DEAF1: variants seen among roughly 807,000 people sequenced by gnomAD.
DEAF1 encodes the protein deformed epidermal autoregulatory factor 1 homolog.
In DEAF1, 53 loss-of-function variants were observed where a neutral mutation model predicts 58.9. The ratio of observed to expected loss-of-function variants is 0.90; its 90% confidence interval spans 0.72 to 1.13. The LOEUF (loss-of-function observed/expected upper bound fraction) is 1.13. Among genes scored for constraint, DEAF1 ranks in the 50% most tolerant of loss-of-function variants. The pLI, the probability that DEAF1 is intolerant of heterozygous loss-of-function variation, is 0.00. For synonymous variants in DEAF1, 385 were observed against 340.4 expected, an observed-to-expected ratio of 1.13 and a Z score of -1.44; for missense variants, 685 against 791.4, an observed-to-expected ratio of 0.87 and a Z score of 1.61.
At chr11:681,113 A>T (rs764779614) in intron 6 of DEAF1, 24 bp from the exon 7 acceptor site, 2 of 1,613,524 alleles carry the variant, frequency 1.2e-6, no homozygotes, top group Non-Finnish European at 1.7e-6. Context: ...GAGAGAGGCC[A>T]CCACCTTCAT....
intron 11 of DEAF1, among the ~76,000 whole-genome samples, chr11:648,398 T>C (rs1364007751): frequency 2.0e-5 from 3 of 152,058 alleles, no homozygotes; most frequent in Non-Finnish European, 2.9e-5. Context: ...GGTTTCACCA[T>C]GTTAGCCAGG....
At chr11:654,603 A>G (rs923438810) in intron 10 of DEAF1, 4 of 455,066 alleles carry the variant, frequency 8.8e-6, no homozygotes, top group Non-Finnish European at 1.8e-5. Context: ...GGCCGGGAGC[A>G]GCGGCTCATA....
upstream of DEAF1, chr11:695,480 G>T (rs1487416357): frequency 1.4e-6 from 1 of 713,574 alleles, no homozygotes; most frequent in Non-Finnish European, 1.9e-6. Flanking sequence ...GCAGATTCTC[G>T]CCGGCGGCCG....
At chr11:691,235 G>A (rs1590021551) in intron 2 of DEAF1, among the ~76,000 whole-genome samples, 1 of 152,386 alleles carries the variant, frequency 6.6e-6, no homozygotes, top group East Asian at 1.9e-4. Context: ...CCTGCTGGGA[G>A]TCCCTGCCCA....
intron 1 of DEAF1, chr11:704,271 C>T: frequency 1.4e-6 from 1 of 717,182 alleles, no homozygotes; most frequent in Non-Finnish European, 2.0e-6. Context: ...GCTCGGTGGA[C>T]TCCTGAGGGC....
chr11:656,735 C>T (rs1434180196), intron 10 of DEAF1, among the ~76,000 whole-genome samples: 1 of 152,246 alleles, frequency 6.6e-6, no homozygotes, highest in Non-Finnish European at 1.5e-5. Context: ...ACTTGCCCCC[C>T]AGCATAGTTC....
At chr11:661,295 C>T (rs1859308407) in intron 10 of DEAF1, among the ~76,000 whole-genome samples, 1 of 152,160 alleles carries the variant, frequency 6.6e-6, no homozygotes, top group South Asian at 2.1e-4. Context: ...GCTTTTCTGC[C>T]TTGTTGAATC....
upstream of DEAF1, chr11:695,902 C>T: frequency 8.4e-6 from 10 of 1,194,056 alleles, no homozygotes; most frequent in African/African-American, 1.6e-5. Flanking sequence ...GCGGCGTTTC[C>T]CTGTGGTGAC....
intron 9 of DEAF1, among the ~76,000 whole-genome samples, chr11:676,845 C>A (rs1458575255): frequency 1.3e-5 from 2 of 152,146 alleles, no homozygotes; most frequent in Non-Finnish European, 2.9e-5. Flanking sequence ...AAGGAACTAG[C>A]ACAAACCCTG....
Position 674,703 on chromosome 11 carries a change from C to T in DEAF1, c.1336G>A (p.Glu446Lys). 1 of 1,613,978 alleles carries T rather than the reference C, an allele frequency of 6.2e-7. No individual in the cohort carries two copies. Among genetic ancestry groups the T allele is most frequent in the Non-Finnish European group, 8.5e-7 (1 of 1,180,028 alleles). Residue 446 changes from glutamate (E) to lysine (K), a missense_variant, in exon 10 of 12, where the codon GAG (glutamate) becomes AAG (lysine). Physicochemically the swap from Glu to Lys is moderately conservative, Grantham distance 56. This residue lies in a region of DEAF1 where 343 missense variants were observed against 379.8 expected (regional missense o/e 0.90). Transcript: ENST00000382409. ...AAPPALVNGL[E>K]LSEPRSWLYL... is the part of the protein sequence containing the mutation. ...AGCCAGCTCCGCGGCTCTGACAGCTCCAGCCCATTGACCAACGCGGGAGGT... is the reference window on the plus strand; with the variant it reads ...AGCCAGCTCCGCGGCTCTGACAGCTTCAGCCCATTGACCAACGCGGGAGGT...
intron 11 of DEAF1, among the ~76,000 whole-genome samples, chr11:648,671 ACT>A (rs1457541004): frequency 3.3e-5 from 5 of 152,152 alleles, no homozygotes; most frequent in South Asian, 4.1e-4. Flanking sequence ...GAATGTATAC[ACT>A]CAGCCTCTGC....
At chr11:670,888 A>C (rs1589993843) in intron 10 of DEAF1, among the ~76,000 whole-genome samples, 1 of 126,488 alleles carries the variant, frequency 7.9e-6, no homozygotes. Context: ...AGCAATCCTC[A>C]CGTTTCAGCC....
chr11:668,658 T>C (rs1028927786), intron 10 of DEAF1, among the ~76,000 whole-genome samples: 4 of 151,962 alleles, frequency 2.6e-5, no homozygotes, highest in Non-Finnish European at 4.4e-5. Context: ...CCTCTCTCTA[T>C]GAAAAATACA....
intron 11 of DEAF1, among the ~76,000 whole-genome samples, chr11:651,008 A>G (rs1858742558): frequency 6.6e-6 from 1 of 151,834 alleles, no homozygotes; most frequent in Non-Finnish European, 1.5e-5. Flanking sequence ...TGTTGCCCAG[A>G]CTAGAGTGCA....
At chr11:672,858 A>T (rs181203483) in intron 10 of DEAF1, among the ~76,000 whole-genome samples, 3,244 of 152,004 alleles carry the variant, frequency 0.021, 45 homozygotes, top group Middle Eastern at 0.044. Context: ...AAAAAAAAAA[A>T]TTTTTTTTAA....
At chr11:646,353 G>A (rs1172485856) in intron 11 of DEAF1, 2 of 151,978 alleles carry the variant, frequency 1.3e-5, no homozygotes, top group Non-Finnish European at 2.9e-5. Context: ...ATCGGGTGCA[G>A]ACCCACCGCC....
chr11:706,372 G>A (rs1038557372), intron 1 of DEAF1: 1 of 152,444 alleles, frequency 6.6e-6, no homozygotes, highest in African/African-American at 2.4e-5. Context: ...TCTGGTTCAG[G>A]ACACCGGGAC....
At chr11:689,839 G>A (rs1187153404) in intron 2 of DEAF1, 3 of 152,292 alleles carry the variant, frequency 2.0e-5, no homozygotes, top group African/African-American at 7.2e-5. Flanking sequence ...CCAGCCTCAG[G>A]CACTTGCAGG....
Position 678,906 on chromosome 11 carries a change from T to C in DEAF1, c.1127-84A>G, listed in dbSNP as rs1860205049. On this transcript the variant is annotated intron_variant, in intron 8 of 11. Coordinates refer to ENST00000382409, the MANE Select transcript of DEAF1 (RefSeq NM_021008.4). ...AATATCACGCTGTATGGCTGCGCCA[T>C]TCAGTACACATAGTAGCTTATGGCC... is the stretch of plus-strand genomic sequence containing the variant. 2.3e-5 allele frequency: 36 copies of C among 1,576,444 alleles called. 2 individuals carry two copies. In the South Asian group the frequency reaches 4.0e-4, roughly 18 times the overall value.
Sources: gnomAD v4.1 joint callset for allele counts (sites outside exome capture counted in the v4.1 genomes callset) on GRCh38, gnomAD v4.1.1 for gene constraint, gnomAD v4.1.1 regional missense constraint, MANE v1.5 for transcripts, NCBI Gene and HGNC (gene_info 2026-07-23, HGNC 2026-07-21) for gene names.